Variants in RBIS observed in about 807,000 individuals in gnomAD.
RBIS encodes ribosomal biogenesis factor, also known as ribosome biogenesis factor identified in screen.
RBIS carries 9 observed loss-of-function variants against 9.8 expected under a neutral mutation model. The observed-to-expected ratio is 0.92, with a 90% confidence interval of 0.56 to 1.61. The LOEUF (loss-of-function observed/expected upper bound fraction) is 1.61. RBIS is among the 40% of genes most tolerant of loss of function. The pLI is 0.00. For synonymous variants in RBIS, 35 were observed against 37.9 expected (o/e 0.92, Z 0.28); for missense variants, 103 against 116.0 (o/e 0.89, Z 0.51).
At chr8:85,217,566 T>C in intron 1 of RBIS, 64 bp from the exon 2 acceptor site, 1 of 1,016,334 alleles carries the variant, frequency 9.8e-7, no homozygotes, top group Non-Finnish European at 1.5e-6. Flanking sequence ...AATTTTAAGT[T>C]TTTAAAGGTA....
Position 85,214,459 on chromosome 8 carries a change from A to G in RBIS, c.*101T>C. The G allele has an allele frequency of 1.2e-6, 1 of 807,350 alleles. No individual in the cohort carries two copies. Among genetic ancestry groups the G allele is most frequent in the South Asian group, 1.5e-5 (1 of 66,956 alleles). The allele number at this position is 807,350 out of a possible 1,614,324, so 50.0% of individuals were successfully genotyped here. Reference sequence around the variant, plus strand: ...TCTGTTTATGTAGTTTGTTTTTAAAATGTGCCAATGCCTGTACATTAACAA... The same window carrying G: ...TCTGTTTATGTAGTTTGTTTTTAAAGTGTGCCAATGCCTGTACATTAACAA... On this transcript the variant is annotated 3_prime_UTR_variant, in exon 4 of 4. Transcript: ENST00000619594.
rs528060288 is a variant in RBIS at position 85,218,354 on chromosome 8, C to T, written c.-3-852G>A. Among the ~76,000 whole-genome samples, 8 of 151,988 alleles carry T rather than the reference C, an allele frequency of 5.3e-5. No individual in the cohort carries two copies. In the South Asian group the frequency reaches 1.7e-3, roughly 32 times the overall value. ...TGTCAATAACCAGGAGATGCCAGGACTTACAGCCAGGCAGACTAGATCAGA... is the reference window on the plus strand; with the variant it reads ...TGTCAATAACCAGGAGATGCCAGGATTTACAGCCAGGCAGACTAGATCAGA... On this transcript the variant is annotated intron_variant, in intron 1 of 3. Coordinates refer to ENST00000619594, the MANE Select transcript of RBIS (RefSeq NM_001099673.3).
At position 85,220,371 on chromosome 8, in the gene RBIS, C is replaced by G. The variant is rs528683617; in HGVS notation, c.-69G>C. ...TAACACCATCTGGCACGTACGGCGT[C>G]TAGGAAGTTCCGGGGAGGATGAACC... On this transcript the variant is annotated 5_prime_UTR_variant, in exon 1 of 4. Transcript: ENST00000619594. 2 of 152,386 alleles carry G rather than the reference C, an allele frequency of 1.3e-5. No individual in the cohort carries two copies. The highest frequency in any genetic ancestry group is 2.9e-5 in the Non-Finnish European group (2 of 68,054). The allele number at this position is 152,386 out of a possible 1,614,324, so 9.4% of individuals were successfully genotyped here. A position where few individuals can be genotyped will look rare whatever the true frequency, so the allele number is the denominator to read the frequency against.
In RBIS at chr8:85,214,981, T is replaced by C. The variant is rs1449279202; in HGVS notation, c.171A>G (p.Val57=). ...VNRVNKAFVN[V]QKELAHFAKS... is the part of the protein sequence containing the mutation. ...TTGCGAAATGTGCAAGTTCCTTTTG[T>C]ACATTTACAAAAGCTTTATTTACTC... Residue 57 remains valine (V), a synonymous_variant, in exon 3 of 4, where the codon GTA becomes GTG. Coordinates refer to ENST00000619594, the MANE Select transcript of RBIS (RefSeq NM_001099673.3). 6.3e-7 allele frequency: 1 copy of C among 1,590,382 alleles called. No individual in the cohort carries two copies. Among genetic ancestry groups the C allele is most frequent in the East Asian group, 2.2e-5 (1 of 44,558 alleles).
intron 1 of RBIS, among the ~76,000 whole-genome samples, chr8:85,220,059 G>A (rs1169798588): frequency 6.6e-6 from 1 of 152,134 alleles, no homozygotes; most frequent in African/African-American, 2.4e-5. Flanking sequence ...GCGAGTGGAG[G>A]GAAATTCTCT....
At chr8:85,214,892 A>AT (rs747403753) in intron 3 of RBIS, 29 bp downstream of exon 3, 62 of 1,230,664 alleles carry the variant, frequency 5.0e-5, no homozygotes, top group Non-Finnish European at 6.6e-5. Flanking sequence ...TTTGTTAGCC[A>AT]TAAAAAAAAG....
intron 2 of RBIS, chr8:85,217,135 A>C (rs1813182833): frequency 5.0e-6 from 3 of 602,090 alleles, no homozygotes; most frequent in Non-Finnish European, 8.7e-6. Flanking sequence ...GGTTCAGTAA[A>C]ACTATTAAAT....
intron 1 of RBIS, chr8:85,218,515 C>A (rs1159032125): frequency 6.6e-6 from 1 of 151,798 alleles, no homozygotes; most frequent in African/African-American, 2.4e-5. Flanking sequence ...GTTTGTCAAA[C>A]TATGCCCATG....
chr8:85,215,453 A>T (rs1436671571), intron 2 of RBIS: 1 of 152,844 alleles, frequency 6.5e-6, no homozygotes, highest in Non-Finnish European at 1.5e-5. Flanking sequence ...CTAGTCAGAT[A>T]AAAACACAGG....
rs1022176021 is a variant in RBIS, at chr8:85,214,262, T to C, written c.*298A>G. 7.1e-6 allele frequency: 4 copies of C among 562,540 alleles called. No homozygotes were observed. Among genetic ancestry groups the C allele is most frequent in the East Asian group, 8.2e-5 (2 of 24,520 alleles). 34.8% of individuals were successfully genotyped at this position (562,540 alleles called of 1,614,324 possible). On this transcript the variant is annotated 3_prime_UTR_variant, in exon 4 of 4. Transcript: ENST00000619594. ...CCACTAAACTGCCTGTATTTCTGTATGTCCTTCTATCCAAACAGACGTTCA... is the reference window on the plus strand; with the variant it reads ...CCACTAAACTGCCTGTATTTCTGTACGTCCTTCTATCCAAACAGACGTTCA...
At chr8:85,215,217 A>G (rs73263598) in intron 2 of RBIS, 180 bp from the exon 3 acceptor site, 370 of 384,922 alleles carry the variant, frequency 9.6e-4, no homozygotes, top group African/African-American at 6.8e-3. Context: ...TGGTTTTTAA[A>G]AAATGGGATT....
At chr8:85,218,065 C>A (rs1813218242) in intron 1 of RBIS, among the ~76,000 whole-genome samples, 1 of 152,194 alleles carries the variant, frequency 6.6e-6, no homozygotes, top group African/African-American at 2.4e-5. Context: ...TACTGTCTTT[C>A]CTCCGTAGCT....
rs1374544814 is a variant in RBIS, at chr8:85,215,016, T to C, written c.136A>G (p.Lys46Glu). 1.3e-6 allele frequency: 2 copies of C among 1,487,696 alleles called. No homozygotes were observed. Among genetic ancestry groups the C allele is most frequent in the Non-Finnish European group, 1.8e-6 (2 of 1,081,906 alleles). 92.2% of individuals were successfully genotyped at this position (1,487,696 alleles called of 1,614,324 possible). ...LKKINIMNEE[K>E]VNRVNKAFVN... ...AAAGCTTTATTTACTCTGTTAACTT[T>C]TTCCTCATTCATAATGTTTATCTTT... Residue 46 changes from lysine to glutamate, a missense_variant, in exon 3 of 4, where the codon AAA (lysine) becomes GAA (glutamate). Transcript: ENST00000619594.
intron 1 of RBIS, among the ~76,000 whole-genome samples, chr8:85,219,855 C>CA (rs774746567): frequency 6.6e-6 from 1 of 151,796 alleles, no homozygotes; most frequent in African/African-American, 2.4e-5. Flanking sequence ...ATTTTATACA[C>CA]AAAAAATATA....
At chr8:85,215,626 T>C (rs1475850955) in intron 2 of RBIS, 1 of 152,226 alleles carries the variant, frequency 6.6e-6, no homozygotes, top group Non-Finnish European at 1.5e-5. Context: ...ACATGGGGGC[T>C]CCTAGAAAGT....
chr8:85,214,055 GA>G lies in RBIS; in HGVS notation c.*504del, dbSNP rs1362798813. 68 of 595,156 alleles carry G rather than the reference GA, an allele frequency of 1.1e-4. No individual in the cohort carries two copies. Among genetic ancestry groups the G allele is most frequent in the African/African-American group, 3.7e-5 (2 of 53,808 alleles). 36.9% of individuals were successfully genotyped at this position (595,156 alleles called of 1,614,324 possible). A position where few individuals can be genotyped will look rare whatever the true frequency, so the allele number is the denominator to read the frequency against. ...ACAAAGGGCTCTGATTGCTTTAGGGGATAAGTGATTTAATATCCACAAACGT... is the reference window on the plus strand; with the variant it reads ...ACAAAGGGCTCTGATTGCTTTAGGGGTAAGTGATTTAATATCCACAAACGT... On this transcript the variant is annotated 3_prime_UTR_variant, in exon 4 of 4. Coordinates refer to ENST00000619594, the MANE Select transcript of RBIS (RefSeq NM_001099673.3).
At chr8:85,215,092 A>T in intron 2 of RBIS, 55 bp from the exon 3 acceptor site, 2 of 705,780 alleles carry the variant, frequency 2.8e-6, no homozygotes, top group Non-Finnish European at 4.7e-6. Context: ...TAAAGATAAG[A>T]TATATTCAAC....
chr8:85,214,922 AG>A lies in RBIS; in HGVS notation c.229del (p.Leu77Ter). On this transcript the variant is annotated frameshift_variant and splice_region_variant, in exon 3 of 4. Coordinates refer to ENST00000619594, the MANE Select transcript of RBIS (RefSeq NM_001099673.3). LOFTEE classifies it high-confidence loss of function. ...SISLEPLQKE[L>X]IPQQRHESKP... Reference sequence around the variant, plus strand: ...AAAAAGCAAATGATTTCTGCTTACCAGTTCTTTCTGCAGAGGTTCAAGTGAA... The same window carrying A: ...AAAAAGCAAATGATTTCTGCTTACCATTCTTTCTGCAGAGGTTCAAGTGAA... The A allele has an allele frequency of 2.0e-6, 3 of 1,499,538 alleles. No individual in the cohort carries two copies. The highest frequency in any genetic ancestry group is 2.7e-6 in the Non-Finnish European group (3 of 1,091,636). 92.9% of individuals were successfully genotyped at this position (1,499,538 alleles called of 1,614,324 possible).
Position 85,214,893 on chromosome 8 carries a change from T to C in RBIS, c.231+28A>G, listed in dbSNP as rs753371291. Reference sequence around the variant, plus strand: ...TTTATTAGCCTCAATTTGTTAGCCATAAAAAAAAGCAAATGATTTCTGCTT... The same window carrying C: ...TTTATTAGCCTCAATTTGTTAGCCACAAAAAAAAGCAAATGATTTCTGCTT... On this transcript the variant is annotated intron_variant, in intron 3 of 3. Transcript: ENST00000619594. 6 of 1,234,050 alleles carry C rather than the reference T, an allele frequency of 4.9e-6. No homozygotes were observed. The South Asian group carries it at 5.4e-5, about 11-fold the overall frequency. 76.4% of individuals were successfully genotyped at this position (1,234,050 alleles called of 1,614,324 possible).
Sources: allele counts gnomAD v4.1 joint callset (sites outside exome capture counted in the v4.1 genomes callset), GRCh38; gene constraint gnomAD v4.1.1; transcripts MANE v1.5; gene names NCBI Gene and HGNC (gene_info 2026-07-23, HGNC 2026-07-21).